Variants in MYT1L observed in about 807,000 individuals in gnomAD.
MYT1L encodes the protein myelin transcription factor 1-like protein.
Under a neutral mutation model 126.7 loss-of-function variants are expected in MYT1L, and 12 were observed. The ratio of observed to expected loss-of-function variants is 0.09; its 90% CI spans 0.06 to 0.15. MYT1L has a LOEUF of 0.15. Among genes scored for constraint, MYT1L ranks in the 10% least tolerant of loss-of-function variants. The probability of loss-of-function intolerance (pLI) is 1.00; values close to 1 mark genes in which losing one functional copy is unlikely to be tolerated. For synonymous variants in MYT1L, 541 were observed against 604.2 expected (o/e 0.90, Z 1.53); for missense variants, 979 against 1,585.2 (o/e 0.62, Z 6.49).
At chr2:2,161,063 A>G (rs1287337436) in intron 3 of MYT1L, among the ~76,000 whole-genome samples, 1 of 152,092 alleles carries the variant, frequency 6.6e-6, no homozygotes, top group East Asian at 1.9e-4. Flanking sequence ...CTAAAAAAAA[A>G]TACAAAAACT....
At chr2:2,260,282 C>T (rs573478061) in intron 2 of MYT1L, among the ~76,000 whole-genome samples, 2 of 152,272 alleles carry the variant, frequency 1.3e-5, no homozygotes, top group South Asian at 4.1e-4. Flanking sequence ...TAAAACTTGA[C>T]AAAACTTTCC....
chr2:2,296,454 TA>T (rs1211577523), intron 1 of MYT1L, among the ~76,000 whole-genome samples: 1 of 152,230 alleles, frequency 6.6e-6, no homozygotes, highest in East Asian at 1.9e-4. Context: ...TTAAAAAATA[TA>T]AACAAAAGCT....
chr2:2,325,281 C>G (rs1038653473), intron 1 of MYT1L: 2 of 152,200 alleles, frequency 1.3e-5, no homozygotes, highest in Non-Finnish European at 2.9e-5. Flanking sequence ...CAAGAGTTAA[C>G]TCTAACCAAT....
intron 8 of MYT1L, among the ~76,000 whole-genome samples, chr2:1,953,748 G>A (rs755714254): frequency 4.6e-5 from 7 of 152,154 alleles, no homozygotes; most frequent in South Asian, 2.1e-4. Flanking sequence ...CCAGTGCTTC[G>A]GTGTGTTTCT....
chr2:1,829,269 G>T (rs2039780633), intron 21 of MYT1L, among the ~76,000 whole-genome samples: 1 of 150,902 alleles, frequency 6.6e-6, no homozygotes. Flanking sequence ...ATACACCTGT[G>T]AACTGACCCT....
intron 2 of MYT1L, among the ~76,000 whole-genome samples, chr2:2,195,044 A>T (rs1434413339): frequency 2.0e-5 from 3 of 152,248 alleles, no homozygotes; most frequent in East Asian, 3.8e-4. Context: ...GATAATAATT[A>T]GAAATGTAAG....
At chr2:1,976,353 A>T (rs929416657) in intron 8 of MYT1L, among the ~76,000 whole-genome samples, 1 of 152,180 alleles carries the variant, frequency 6.6e-6, no homozygotes, top group South Asian at 2.1e-4. Flanking sequence ...TAAAAAAACA[A>T]TGCCAGGGCC....
intron 3 of MYT1L, among the ~76,000 whole-genome samples, chr2:2,079,067 C>T (rs2075532636): frequency 6.6e-6 from 1 of 152,206 alleles, no homozygotes; most frequent in Admixed American, 6.5e-5. Context: ...GCCTTCACCA[C>T]ACACCCAATA....
Position 1,910,400 on chromosome 2 carries a change from A to G in MYT1L, c.1710-53T>C. The G allele has an allele frequency of 2.7e-6, 4 of 1,490,368 alleles. No individual in the cohort carries two copies. The Admixed American group carries it at 5.1e-5, about 19-fold the overall frequency. The allele number at this position is 1,490,368 out of a possible 1,614,324, so 92.3% of individuals were successfully genotyped here. The stretch of plus-strand genomic sequence containing the variant: ...GTCCCGCCTCAAACACCTTCACAGC[A>G]CACTAATCCTCCCTTAGCACCAAGA... On this transcript the variant is annotated intron_variant, in intron 12 of 24. Transcript: ENST00000647738. The surrounding 1 kb of genome is among the most constrained non-coding windows in gnomAD (Gnocchi z 4.8).
chr2:2,268,815 A>G (rs2095197637), intron 2 of MYT1L, among the ~76,000 whole-genome samples: 1 of 152,198 alleles, frequency 6.6e-6, no homozygotes, highest in South Asian at 2.1e-4. Flanking sequence ...TCACATGTTT[A>G]GGGAATTCAA....
At position 1,833,456 on chromosome 2, in the gene MYT1L, A is replaced by C. The variant is rs116695831; in HGVS notation, c.3080+5693T>G. ...GGACTGAGGACACCTTCCTGTCCTG[A>C]GCTGTCCGCTCTGCTGCTTCCTCAT... On this transcript the variant is annotated intron_variant, in intron 21 of 24. Coordinates refer to ENST00000647738, the MANE Select transcript of MYT1L (RefSeq NM_001303052.2). Among the ~76,000 whole-genome samples, 805 of 152,100 alleles carry C rather than the reference A, an allele frequency of 5.3e-3. 3 individuals carry two copies. The highest frequency in any genetic ancestry group is 0.019 in the African/African-American group (770 of 41,500).
chr2:1,875,658 T>C (rs2046816789), intron 18 of MYT1L, among the ~76,000 whole-genome samples: 1 of 152,222 alleles, frequency 6.6e-6, no homozygotes, highest in Non-Finnish European at 1.5e-5. Context: ...CAGACTTTAC[T>C]AAGGGTGGAT....
intron 2 of MYT1L, among the ~76,000 whole-genome samples, chr2:2,179,202 T>A (rs2091144933): frequency 6.6e-6 from 1 of 152,170 alleles, no homozygotes; most frequent in Admixed American, 6.6e-5. Flanking sequence ...GGCTTGCAGG[T>A]GCCTTCTGAA....
intron 8 of MYT1L, among the ~76,000 whole-genome samples, chr2:1,975,465 A>G (rs1465632243): frequency 6.6e-6 from 1 of 152,274 alleles, no homozygotes; most frequent in African/African-American, 2.4e-5. Context: ...ATGATGGCTC[A>G]TGCCTGTAAT....
At chr2:1,869,210 T>G (rs1179638126) in intron 18 of MYT1L, among the ~76,000 whole-genome samples, 1 of 145,708 alleles carries the variant, frequency 6.9e-6, no homozygotes, top group Non-Finnish European at 1.5e-5. Flanking sequence ...GTCCCGGACT[T>G]ATCCTCTTTT....
intron 9 of MYT1L, among the ~76,000 whole-genome samples, chr2:1,937,299 T>A (rs2056033910): frequency 1.3e-5 from 2 of 152,198 alleles, no homozygotes; most frequent in African/African-American, 4.8e-5. Context: ...GTTCCTAACG[T>A]CCGCGGCCAT....
At chr2:2,131,300 C>T (rs183258305) in intron 3 of MYT1L, among the ~76,000 whole-genome samples, 1 of 152,106 alleles carries the variant, frequency 6.6e-6, no homozygotes, top group Non-Finnish European at 1.5e-5. Context: ...TGCACAGATG[C>T]GCATAAATCA....
intron 3 of MYT1L, among the ~76,000 whole-genome samples, chr2:2,166,859 T>C (rs17039361): frequency 6.6e-6 from 1 of 151,934 alleles, no homozygotes; most frequent in Non-Finnish European, 1.5e-5. Flanking sequence ...ATACATATGT[T>C]TGTGCGAAGT....
intron 22 of MYT1L, among the ~76,000 whole-genome samples, chr2:1,808,380 G>C (rs560640863): frequency 1.5e-4 from 23 of 152,300 alleles, no homozygotes; most frequent in African/African-American, 5.3e-4. Context: ...CACTTCAGCT[G>C]CTCTGCGAGT....
Sources: allele counts gnomAD v4.1 joint callset (sites outside exome capture counted in the v4.1 genomes callset), GRCh38; gene constraint gnomAD v4.1.1; non-coding constraint Gnocchi (gnomAD v3.1); transcripts MANE v1.5; gene names NCBI Gene and HGNC (gene_info 2026-07-23, HGNC 2026-07-21).